Variants in RPTOR observed in about 807,000 individuals in gnomAD.
The protein encoded by RPTOR is regulatory associated protein of MTOR complex 1, also known as regulatory-associated protein of mTOR.
In RPTOR, 21 loss-of-function variants were observed where a neutral mutation model predicts 169.9. The observed-to-expected ratio is 0.12, with a 90% CI of 0.09 to 0.18. RPTOR has a LOEUF of 0.18. Among genes scored for constraint, RPTOR ranks in the 10% least tolerant of loss-of-function variants. RPTOR has a pLI of 1.00. For missense variants in RPTOR, 1,133 were observed against 1,855.9 expected, an observed-to-expected ratio of 0.61 and a Z score of 7.16; for synonymous variants, 732 against 753.2, an observed-to-expected ratio of 0.97 and a Z score of 0.46.
At position 80,730,619 on chromosome 17, in the gene RPTOR, G is replaced by A. The variant is rs776772710; in HGVS notation, c.567G>A (p.Pro189=). The A allele has an allele frequency of 9.9e-6, 16 of 1,614,006 alleles. No homozygotes were observed. Among genetic ancestry groups the A allele is most frequent in the Admixed American group, 8.3e-5 (5 of 60,006 alleles). The stretch of plus-strand genomic sequence containing the variant: ...ACCTGCAGACGTGGATGGGCAGCCC[G>A]TCGATCTTCGTCTACGACTGCTCCA... ...IYDLQTWMGS[P]SIFVYDCSNA... is the part of the protein sequence containing the mutation. Residue 189 remains proline (P), a synonymous_variant, in exon 5 of 34, where the codon CCG becomes CCA. Transcript: ENST00000306801. The surrounding 1 kb of genome is among the most constrained non-coding windows in gnomAD (Gnocchi z 4.2).
intron 13 of RPTOR, among the ~76,000 whole-genome samples, chr17:80,875,304 C>A (rs912646135): frequency 6.6e-6 from 1 of 152,172 alleles, no homozygotes; most frequent in Admixed American, 6.5e-5. Context: ...TGCTTGCAAA[C>A]CACATCTTTA....
At chr17:80,891,446 A>AC (rs887076907) in intron 17 of RPTOR, among the ~76,000 whole-genome samples, 1 of 151,826 alleles carries the variant, frequency 6.6e-6, no homozygotes, top group Non-Finnish European at 1.5e-5. Context: ...TCCTTACGAG[A>AC]CCCCCGATGC....
chr17:80,754,059 C>G lies in RPTOR; in HGVS notation c.704C>G (p.Pro235Arg). Reference sequence around the variant, plus strand: ...CCTCTTGCTCAGATGCCTTTGCCTCCGTCGATGAAAAACTGCATCCAGCTG... The same window carrying G: ...CCTCTTGCTCAGATGCCTTTGCCTCGGTCGATGAAAAACTGCATCCAGCTG... ...NHPLAQMPLP[P>R]SMKNCIQLAA... is the part of the protein sequence containing the mutation. Residue 235 changes from proline to arginine, a missense_variant, in exon 6 of 34, where the codon CCG becomes CGG. This residue lies in a region of RPTOR where 289 missense variants were observed against 585.8 expected (regional missense o/e 0.49). Transcript: ENST00000306801. The surrounding 1 kb of genome is among the most constrained non-coding windows in gnomAD (Gnocchi z 4.2). 6.2e-7 allele frequency: 1 copy of G among 1,614,160 alleles called. No individual in the cohort carries two copies. The highest frequency in any genetic ancestry group is 8.5e-7 in the Non-Finnish European group (1 of 1,180,028).
At chr17:80,801,105 C>G (rs1040921508) in intron 7 of RPTOR, among the ~76,000 whole-genome samples, 1 of 152,192 alleles carries the variant, frequency 6.6e-6, no homozygotes, top group African/African-American at 2.4e-5. Context: ...TGTGGGACTT[C>G]CGTCTCATCT....
chr17:80,566,819 G>T (rs768542070), intron 1 of RPTOR, among the ~76,000 whole-genome samples: 7 of 47,598 alleles, frequency 1.5e-4, no homozygotes, highest in Non-Finnish European at 2.1e-4. Context: ...GCGAGACTCC[G>T]TCTCAAAAAA....
intron 28 of RPTOR, among the ~76,000 whole-genome samples, chr17:80,952,863 T>C (rs1294702395): frequency 1.1e-4 from 8 of 75,102 alleles, no homozygotes; most frequent in East Asian, 3.4e-4. Flanking sequence ...TTCTTTTTTT[T>C]TTTTTTTTTT....
intron 2 of RPTOR, among the ~76,000 whole-genome samples, chr17:80,630,265 G>A (rs1032389702): frequency 5.4e-4 from 82 of 152,358 alleles, no homozygotes; most frequent in African/African-American, 1.7e-3. Flanking sequence ...GACATTGTGT[G>A]TAGAAGAACA....
At chr17:80,634,688 TGTGTGC>T (rs1174883828) in intron 2 of RPTOR, among the ~76,000 whole-genome samples, 4 of 96,570 alleles carry the variant, frequency 4.1e-5, no homozygotes, top group Non-Finnish European at 6.5e-5. Flanking sequence ...GTGTGCGTAC[TGTGTGC>T]GTGTGCGTAC....
intron 31 of RPTOR, 33 bp downstream of exon 31, chr17:80,961,513 C>T: frequency 6.5e-7 from 1 of 1,536,474 alleles, no homozygotes; most frequent in Non-Finnish European, 8.8e-7. Flanking sequence ...AGCCGTTCTG[C>T]TGTAAAAACA....
chr17:80,848,607 G>A (rs1242481673), intron 11 of RPTOR, among the ~76,000 whole-genome samples: 2 of 152,216 alleles, frequency 1.3e-5, no homozygotes, highest in Non-Finnish European at 2.9e-5. Context: ...TGGCCACAGC[G>A]CAGGTTGCCC....
chr17:80,871,581 G>A (rs1371260533), intron 13 of RPTOR, among the ~76,000 whole-genome samples: 1 of 152,214 alleles, frequency 6.6e-6, no homozygotes, highest in African/African-American at 2.4e-5. Flanking sequence ...GGAATGGGCT[G>A]CTCTTTGGAA....
chr17:80,925,468 G>A lies in RPTOR; in HGVS notation c.2907G>A (p.Gln969=), dbSNP rs2068800832. 6.2e-7 allele frequency: 1 copy of A among 1,613,290 alleles called. No homozygotes were observed. Among genetic ancestry groups the A allele is most frequent in the Non-Finnish European group, 8.5e-7 (1 of 1,179,982 alleles). The part of the protein sequence containing the change: ...FCDWSARYFA[Q]PVMKIPEEHD... Reference sequence around the variant, plus strand: ...ACTGGAGCGCCCGCTATTTTGCCCAGCCCGTCATGAAGGTGCGCCCGGGGT... The same window carrying A: ...ACTGGAGCGCCCGCTATTTTGCCCAACCCGTCATGAAGGTGCGCCCGGGGT... The change falls in exon 24 of 34, where the codon CAG becomes CAA. Residue 969 remains glutamine (Q), a synonymous_variant. Coordinates refer to ENST00000306801, the MANE Select transcript of RPTOR (RefSeq NM_020761.3).
At chr17:80,747,865 A>G (rs142236773) in intron 5 of RPTOR, among the ~76,000 whole-genome samples, 1 of 152,392 alleles carries the variant, frequency 6.6e-6, no homozygotes, top group African/African-American at 2.4e-5. Flanking sequence ...GTGGGTTGGT[A>G]TGAAAAGTGT....
chr17:80,853,037 C>T (rs1171172510), intron 11 of RPTOR, among the ~76,000 whole-genome samples: 5 of 152,152 alleles, frequency 3.3e-5, no homozygotes, highest in South Asian at 2.1e-4. Context: ...TCCCCATCTC[C>T]GTATTGGCAC....
At chr17:80,763,970 T>G (rs1373423009) in intron 6 of RPTOR, among the ~76,000 whole-genome samples, 3 of 152,070 alleles carry the variant, frequency 2.0e-5, no homozygotes, top group Non-Finnish European at 4.4e-5. Context: ...TATTGTTTCA[T>G]CCTGACATCA....
intron 10 of RPTOR, among the ~76,000 whole-genome samples, chr17:80,840,857 CCA>C (rs2067635451): frequency 7.1e-6 from 1 of 140,446 alleles, no homozygotes; most frequent in Non-Finnish European, 1.5e-5. Flanking sequence ...CTCACACTCA[CCA>C]CACGGCAGCT....
At chr17:80,577,295 G>T (rs2143340178) in intron 1 of RPTOR, among the ~76,000 whole-genome samples, 1 of 152,272 alleles carries the variant, frequency 6.6e-6, no homozygotes, top group East Asian at 1.9e-4. Flanking sequence ...CTCCCAAAGT[G>T]CTGTGATTAT....
At chr17:80,899,439 T>C (rs1236289559) in intron 20 of RPTOR, among the ~76,000 whole-genome samples, 1 of 152,208 alleles carries the variant, frequency 6.6e-6, no homozygotes, top group African/African-American at 2.4e-5. Context: ...AAAATGTAAA[T>C]TCATAGTATT....
intron 1 of RPTOR, among the ~76,000 whole-genome samples, chr17:80,618,146 A>G (rs1421117281): frequency 6.6e-6 from 1 of 151,834 alleles, no homozygotes. Flanking sequence ...ACAGCCGGCT[A>G]ATTTATTTAT....
Sources: gnomAD v4.1 joint callset for allele counts (sites outside exome capture counted in the v4.1 genomes callset) on GRCh38, gnomAD v4.1.1 for gene constraint, gnomAD v4.1.1 regional missense constraint, Gnocchi (gnomAD v3.1) non-coding constraint, MANE v1.5 for transcripts, NCBI Gene and HGNC (gene_info 2026-07-23, HGNC 2026-07-21) for gene names.